RERE: variants seen among roughly 807,000 people sequenced by gnomAD.
The protein encoded by RERE is arginine-glutamic acid dipeptide repeats protein.
Under a neutral mutation model 146.1 loss-of-function variants are expected in RERE, and 40 were observed. The observed-to-expected ratio is 0.27, with a 90% confidence interval of 0.21 to 0.36. The LOEUF is 0.36. Among genes scored for constraint, RERE ranks in the 10% least tolerant of loss-of-function variants. The pLI is 1.00. For synonymous variants in RERE, 1,003 were observed against 866.0 expected (o/e 1.16, Z -2.78); for missense variants, 1,933 against 2,138.7 (o/e 0.90, Z 1.90).
chr1:8,780,356 A>C (rs1296459716), intron 1 of RERE, among the ~76,000 whole-genome samples: 1 of 152,186 alleles, frequency 6.6e-6, no homozygotes, highest in Non-Finnish European at 1.5e-5. Flanking sequence ...GCAGAGAAAA[A>C]GGGGATGCAA....
At chr1:8,407,387 A>G (rs1643477954) in intron 12 of RERE, among the ~76,000 whole-genome samples, 1 of 152,238 alleles carries the variant, frequency 6.6e-6, no homozygotes, top group Non-Finnish European at 1.5e-5. Flanking sequence ...CAACAGCTCT[A>G]GGATACAAAG....
intron 12 of RERE, among the ~76,000 whole-genome samples, chr1:8,392,747 G>C (rs1281471677): frequency 6.6e-6 from 1 of 152,176 alleles, no homozygotes; most frequent in Admixed American, 6.5e-5. Context: ...GCAAGGTTGT[G>C]CTGAAAACAT....
intron 11 of RERE, among the ~76,000 whole-genome samples, chr1:8,446,960 T>C (rs146969373): frequency 0.028 from 4,231 of 152,084 alleles, 177 homozygotes; most frequent in African/African-American, 0.096. Flanking sequence ...ATTATAGGCG[T>C]GAGCCACTGT....
chr1:8,368,258 T>C (rs905792990), intron 12 of RERE, among the ~76,000 whole-genome samples: 1 of 151,656 alleles, frequency 6.6e-6, no homozygotes, highest in Admixed American at 6.6e-5. Context: ...TCACCTGAGG[T>C]CAGGAGATTG....
In RERE at chr1:8,358,535, G is replaced by A. The variant is rs1452253543; in HGVS notation, c.4000C>T (p.Leu1334=). 3 of 1,602,050 alleles carry A rather than the reference G, an allele frequency of 1.9e-6. No individual in the cohort carries two copies. Among genetic ancestry groups the A allele is most frequent in the African/African-American group, 1.3e-5 (1 of 74,794 alleles). Residue 1334 remains leucine, a synonymous_variant, in exon 20 of 23, where the codon CTG becomes TTG. Transcript: ENST00000400908. The part of the protein sequence containing the change: ...KPGFEVKPPE[L]DPLHPAANPM... ...TTGGCGGCTGGGTGCAGGGGGTCCA[G>A]CTCTGGGGGCTTCACCTCGAAGCCC...
chr1:8,358,104 A>G, intron 20 of RERE, 92 bp downstream of exon 20: 1 of 1,510,318 alleles, frequency 6.6e-7, no homozygotes, highest in Non-Finnish European at 8.8e-7. Context: ...TTCAGAAAAG[A>G]ACAGTTTCCG....
At chr1:8,389,520 A>G (rs78940491) in intron 12 of RERE, among the ~76,000 whole-genome samples, 3,141 of 152,290 alleles carry the variant, frequency 0.021, 120 homozygotes, top group African/African-American at 0.073. Flanking sequence ...TAGCACGAAA[A>G]GCCAAGGTCA....
At chr1:8,786,916 T>TTC in intron 1 of RERE, 1 of 798,138 alleles carries the variant, frequency 1.3e-6, no homozygotes, top group Non-Finnish European at 2.2e-6. Flanking sequence ...AACCTTCTTC[T>TTC]TCTCTTCAAC....
intron 1 of RERE, among the ~76,000 whole-genome samples, chr1:8,794,078 A>AAT (rs1279998281): frequency 2.1e-4 from 31 of 144,510 alleles, no homozygotes; most frequent in African/African-American, 7.7e-4. Context: ...AAAAAAAAAA[A>AAT]TTTTTTTTTT....
intron 1 of RERE, among the ~76,000 whole-genome samples, chr1:8,777,151 G>A (rs1329736625): frequency 2.0e-5 from 3 of 152,170 alleles, no homozygotes; most frequent in Non-Finnish European, 2.9e-5. Flanking sequence ...AGTAGAACAC[G>A]AAAGAAAGTT....
intron 7 of RERE, among the ~76,000 whole-genome samples, chr1:8,534,910 A>G (rs949843633): frequency 3.3e-5 from 5 of 152,170 alleles, no homozygotes; most frequent in Non-Finnish European, 5.9e-5. Flanking sequence ...GTGATACACG[A>G]TCTAACTCTA....
chr1:8,798,166 A>G (rs1471334301), intron 1 of RERE, among the ~76,000 whole-genome samples: 2 of 152,170 alleles, frequency 1.3e-5, no homozygotes, highest in Non-Finnish European at 2.9e-5. Flanking sequence ...AGGCCGAGAC[A>G]GGTGGATCAC....
chr1:8,511,768 TTTTTC>T (rs1406317186), intron 7 of RERE: 1 of 151,110 alleles, frequency 6.6e-6, no homozygotes, highest in Non-Finnish European at 1.5e-5. Flanking sequence ...TCTCCTCTCT[TTTTTC>T]TTTTTCTTTT....
At chr1:8,363,518 C>CT in intron 15 of RERE, among the ~76,000 whole-genome samples, 1 of 152,288 alleles carries the variant, frequency 6.6e-6, no homozygotes, top group East Asian at 1.9e-4. Flanking sequence ...ATAAGGGAGG[C>CT]TGAAGGGAAA....
chr1:8,355,885 G>A (rs768394456), intron 21 of RERE, among the ~76,000 whole-genome samples: 7 of 152,076 alleles, frequency 4.6e-5, no homozygotes, highest in Non-Finnish European at 8.8e-5. Context: ...TACTTTCACC[G>A]GCTCTTAGCA....
intron 12 of RERE, among the ~76,000 whole-genome samples, chr1:8,389,254 G>C (rs1379897752): frequency 5.9e-5 from 9 of 152,120 alleles, no homozygotes; most frequent in Non-Finnish European, 1.3e-4. Flanking sequence ...GTAGCCTCAG[G>C]GGTATGAAGA....
intron 4 of RERE, among the ~76,000 whole-genome samples, chr1:8,595,264 T>C (rs1369714557): frequency 2.0e-5 from 3 of 151,908 alleles, no homozygotes; most frequent in Non-Finnish European, 4.4e-5. Flanking sequence ...GTATCAACCA[T>C]TTTATTTCAT....
chr1:8,668,179 G>A (rs774315662), intron 1 of RERE, among the ~76,000 whole-genome samples: 8 of 152,168 alleles, frequency 5.3e-5, no homozygotes, highest in Non-Finnish European at 1.2e-4. Flanking sequence ...ACACCATTAC[G>A]AAAACTATAG....
At chr1:8,649,894 G>A (rs2124314404) in intron 2 of RERE, among the ~76,000 whole-genome samples, 1 of 152,186 alleles carries the variant, frequency 6.6e-6, no homozygotes, top group East Asian at 1.9e-4. Flanking sequence ...TGTTCTAAGT[G>A]CTAGAAGAAA....
Sources: gnomAD v4.1 joint callset for allele counts (sites outside exome capture counted in the v4.1 genomes callset) on GRCh38, gnomAD v4.1.1 for gene constraint, MANE v1.5 for transcripts, NCBI Gene and HGNC (gene_info 2026-07-23, HGNC 2026-07-21) for gene names.